Variants in MID1 observed in about 807,000 individuals in gnomAD.
MID1 encodes midline 1, also known as E3 ubiquitin-protein ligase Midline-1.
In MID1, 7 loss-of-function variants were observed where a neutral mutation model predicts 40.4. That is an observed-to-expected ratio of 0.17 (90% CI 0.10 to 0.33). The LOEUF (loss-of-function observed/expected upper bound fraction) is 0.33, where lower values mean the gene tolerates loss of function less well. Ranked by LOEUF, MID1 falls within the 10% of genes least tolerant of loss-of-function variation. MID1 has a pLI of 1.00. For synonymous variants in MID1, 229 were observed against 221.2 expected, an observed-to-expected ratio of 1.04 and a Z score of -0.31; for missense variants, 367 against 558.5, an observed-to-expected ratio of 0.66 and a Z score of 3.46.
At chrX:10,660,652 C>T (rs1335465567) in intron 1 of MID1, among the ~76,000 whole-genome samples, 1 of 110,802 alleles carries the variant, frequency 9.0e-6, no homozygotes, top group Non-Finnish European at 1.9e-5. Flanking sequence ...ATTTTTTTTT[C>T]CGGGCTGCTG....
intron 2 of MID1, among the ~76,000 whole-genome samples, chrX:10,544,425 G>A (rs760499273): frequency 1.8e-5 from 2 of 111,715 alleles, no homozygotes; most frequent in South Asian, 3.7e-4. Context: ...TGCACAATGT[G>A]GAAGGCCTCT....
chrX:10,456,639 C>G (rs1928687023), intron 8 of MID1, among the ~76,000 whole-genome samples: 1 of 111,788 alleles, frequency 8.9e-6, no homozygotes, highest in Admixed American at 9.5e-5. Context: ...GAGTTCAAGA[C>G]CAGCTTGGCC....
chrX:10,677,153 G>A (rs936047466), intron 1 of MID1, among the ~76,000 whole-genome samples: 1 of 111,827 alleles, frequency 8.9e-6, no homozygotes, highest in East Asian at 2.8e-4. Flanking sequence ...TATCATATAT[G>A]AAAAAGTGAT....
At chrX:10,567,632 G>C (rs969513934) in intron 1 of MID1, 29 bp from the exon 2 acceptor site, 1 of 1,064,970 alleles carries the variant, frequency 9.4e-7, no homozygotes, top group African/African-American at 1.8e-5. Context: ...GATTTGATTA[G>C]GCACAGGGAG....
At chrX:10,782,947 A>T (rs1278319238) in intron 1 of MID1, among the ~76,000 whole-genome samples, 1 of 111,613 alleles carries the variant, frequency 9.0e-6, no homozygotes, top group Non-Finnish European at 1.9e-5. Context: ...AGGTGCCAGC[A>T]CTTGGTGTTT....
chrX:10,637,552 G>C, intron 1 of MID1, among the ~76,000 whole-genome samples: 1 of 108,711 alleles, frequency 9.2e-6, no homozygotes, highest in Non-Finnish European at 1.9e-5. Flanking sequence ...TTGAACCCAG[G>C]AGGCAGAGGT....
intron 1 of MID1, among the ~76,000 whole-genome samples, chrX:10,730,385 T>C (rs1229623906): frequency 9.0e-6 from 1 of 110,569 alleles, no homozygotes; most frequent in Non-Finnish European, 1.9e-5. Context: ...TCAAGAAGAT[T>C]GAAAATGCTT....
chrX:10,583,227 T>C (rs1235963072), intron 1 of MID1, among the ~76,000 whole-genome samples: 2 of 111,796 alleles, frequency 1.8e-5, no homozygotes, highest in African/African-American at 6.5e-5. Context: ...AATAAAAAAA[T>C]AAAAGGTTTT....
At chrX:10,462,837 T>C (rs1026671903) in intron 7 of MID1, among the ~76,000 whole-genome samples, 1 of 112,091 alleles carries the variant, frequency 8.9e-6, no homozygotes, top group Non-Finnish European at 1.9e-5. Context: ...CACACTGGTT[T>C]CTAACATCCT....
At chrX:10,741,999 T>A (rs951459552) in intron 1 of MID1, among the ~76,000 whole-genome samples, 19 of 111,227 alleles carry the variant, frequency 1.7e-4, no homozygotes, top group African/African-American at 6.2e-4. Context: ...TAAGAGTAAT[T>A]TGATATGGAG....
intron 7 of MID1, among the ~76,000 whole-genome samples, chrX:10,465,252 CACACACACAT>C (rs1299652178): frequency 1.2e-4 from 12 of 98,713 alleles, no homozygotes; most frequent in African/African-American, 4.6e-4. Flanking sequence ...CACACACACA[CACACACACAT>C]ACATATATGA....
At chrX:10,518,167 G>A (rs1932542911) in intron 3 of MID1, among the ~76,000 whole-genome samples, 1 of 112,154 alleles carries the variant, frequency 8.9e-6, no homozygotes, top group Non-Finnish European at 1.9e-5. Context: ...GTCATGTTAA[G>A]CAAAATTATC....
chrX:10,449,479 G>A lies in MID1; in HGVS notation c.1893C>T (p.Val631=). ...LNSIHLYTFD[V]AFAQPVCPTF... is the part of the protein sequence containing the mutation. ...TGGGGCAAACAGGCTGCGCAAATGC[G>A]ACGTCGAAGGTGTAGAGGTGGATGG... is the stretch of plus-strand genomic sequence containing the variant. Residue 631 remains valine (V), a synonymous_variant, in exon 10 of 10, where the codon GTC becomes GTT. Transcript: ENST00000317552. 8.3e-7 allele frequency: 1 copy of A among 1,211,523 alleles called. No homozygotes were observed. Among genetic ancestry groups the A allele is most frequent in the Non-Finnish European group, 1.1e-6 (1 of 895,353 alleles).
chrX:10,491,886 C>T lies in MID1; in HGVS notation c.864+3698G>A, dbSNP rs754762125. On this transcript the variant is annotated intron_variant, in intron 4 of 9. Transcript: ENST00000317552. The stretch of plus-strand genomic sequence containing the variant: ...TGTGTAGGTTTTCCTATATACTTTC[C>T]TATCTTTTGAGTTCAAACTCAGTCG... Among the ~76,000 whole-genome samples the T allele has an allele frequency of 5.4e-5, 6 of 111,408 alleles. No homozygotes were observed. In the South Asian group the frequency reaches 2.3e-3, roughly 42 times the overall value.
intron 1 of MID1, among the ~76,000 whole-genome samples, chrX:10,774,416 C>T (rs1243624503): frequency 9.1e-6 from 1 of 109,753 alleles, no homozygotes; most frequent in Non-Finnish European, 1.9e-5. Flanking sequence ...AGACCTCTAA[C>T]CCAGCTTCTG....
At chrX:10,560,765 G>T (rs1203692617) in intron 2 of MID1, among the ~76,000 whole-genome samples, 1 of 111,490 alleles carries the variant, frequency 9.0e-6, no homozygotes, top group Non-Finnish European at 1.9e-5. Context: ...ATGGATAGAA[G>T]AATCAGTATC....
chrX:10,789,987 C>T (rs1487809485), intron 1 of MID1, among the ~76,000 whole-genome samples: 2 of 111,248 alleles, frequency 1.8e-5, no homozygotes, highest in Admixed American at 1.9e-4. Flanking sequence ...TCACCTTGTT[C>T]ACCTTGCCTT....
intron 1 of MID1, among the ~76,000 whole-genome samples, chrX:10,655,539 G>A (rs1490085475): frequency 9.0e-6 from 1 of 111,082 alleles, no homozygotes; most frequent in Non-Finnish European, 1.9e-5. Flanking sequence ...TTCTACCATT[G>A]TATTCCTGTT....
At chrX:10,672,395 G>A (rs996805064) in intron 1 of MID1, among the ~76,000 whole-genome samples, 2 of 111,576 alleles carry the variant, frequency 1.8e-5, no homozygotes, top group Non-Finnish European at 3.8e-5. Context: ...CTTCAATATG[G>A]TTAGATCTAA....
Sources: allele counts gnomAD v4.1 joint callset (sites outside exome capture counted in the v4.1 genomes callset), GRCh38; gene constraint gnomAD v4.1.1; transcripts MANE v1.5; gene names NCBI Gene and HGNC (gene_info 2026-07-23, HGNC 2026-07-21).